The following ENPP2 variants were observed in gnomAD, a reference collection of about 807,000 sequenced individuals.
ENPP2 encodes autotaxin.
Under a neutral mutation model 120.2 loss-of-function variants are expected in ENPP2, and 51 were observed. That is an observed-to-expected ratio of 0.42 (90% CI 0.34 to 0.54). ENPP2 has a LOEUF of 0.54. ENPP2 is among the 20% of genes least tolerant of loss of function. ENPP2 has a pLI of 0.04. For synonymous variants in ENPP2, 365 were observed against 366.4 expected (o/e 1.00, Z 0.04); for missense variants, 920 against 1,066.5 (o/e 0.86, Z 1.91).
intron 11 of ENPP2, among the ~76,000 whole-genome samples, chr8:119,600,387 C>T (rs17194431): frequency 0.28 from 42,921 of 152,020 alleles, 6,650 homozygotes; most frequent in South Asian, 0.49. Flanking sequence ...CCGAATTATT[C>T]ACCCTCCAAC....
chr8:119,658,496 T>C (rs534096625), intron 1 of ENPP2, among the ~76,000 whole-genome samples: 83 of 152,210 alleles, frequency 5.5e-4, no homozygotes, highest in South Asian at 8.3e-4. Context: ...AAGCAGACAT[T>C]TCCTAGAGTC....
intron 13 of ENPP2, among the ~76,000 whole-genome samples, chr8:119,588,925 G>T (rs902357597): frequency 6.6e-6 from 1 of 152,122 alleles, no homozygotes; most frequent in Admixed American, 6.5e-5. Context: ...AGCTAATCTG[G>T]CTTCAAATCT....
upstream of ENPP2, among the ~76,000 whole-genome samples, chr8:119,642,686 C>T (rs1242353496): frequency 6.6e-6 from 1 of 152,138 alleles, no homozygotes. Context: ...GGGGACTCAT[C>T]TCCAAACTGT....
At chr8:119,567,886 A>C (rs1257447745) in intron 22 of ENPP2, among the ~76,000 whole-genome samples, 2 of 152,246 alleles carry the variant, frequency 1.3e-5, no homozygotes, top group Non-Finnish European at 2.9e-5. Flanking sequence ...TCTACCATGC[A>C]TGACCTGTGG....
Position 119,582,463 on chromosome 8 carries a change from A to G in ENPP2, c.1683T>C (p.Ser561=). Residue 561 remains serine (S), a synonymous_variant, in exon 18 of 25, where the codon TCT becomes TCC. Coordinates refer to ENST00000075322, the MANE Select transcript of ENPP2 (RefSeq NM_001040092.3). ...PNYPGIMYLQ[S]DFDLGCTCDD... The stretch of plus-strand genomic sequence containing the variant: ...CACAAGTGCAGCCCAGGTCAAAATC[A>G]GACTGAAGGTACATAATCCCTGGAT... The G allele has an allele frequency of 3.1e-6, 5 of 1,614,158 alleles. No homozygotes were observed. Among genetic ancestry groups the G allele is most frequent in the Non-Finnish European group, 4.2e-6 (5 of 1,179,988 alleles).
intron 5 of ENPP2, chr8:119,618,553 T>C: frequency 3.3e-6 from 1 of 304,704 alleles, no homozygotes; most frequent in Non-Finnish European, 6.3e-6. Flanking sequence ...TGGATGCCTT[T>C]TTTTTTTTTA....
At chr8:119,669,075 C>T (rs935414390) in intron 1 of ENPP2, among the ~76,000 whole-genome samples, 1 of 152,214 alleles carries the variant, frequency 6.6e-6, no homozygotes, top group Admixed American at 6.5e-5. Flanking sequence ...AATCCTTATG[C>T]CTTTTCTCTT....
intron 11 of ENPP2, among the ~76,000 whole-genome samples, chr8:119,594,476 A>T (rs1242984784): frequency 6.6e-6 from 1 of 152,246 alleles, no homozygotes; most frequent in Non-Finnish European, 1.5e-5. Flanking sequence ...ACAAGAATCT[A>T]TAAGAGTCCT....
intron 19 of ENPP2, 71 bp from the exon 20 acceptor site, chr8:119,570,912 G>T: frequency 1.0e-6 from 1 of 1,003,134 alleles, no homozygotes; most frequent in Non-Finnish European, 1.4e-6. Flanking sequence ...AGAAATGTTG[G>T]AAGAGTCAAG....
At chr8:119,584,735 G>C (rs1812988715) in intron 15 of ENPP2, among the ~76,000 whole-genome samples, 1 of 152,156 alleles carries the variant, frequency 6.6e-6, no homozygotes, top group African/African-American at 2.4e-5. Flanking sequence ...AAGACCATCT[G>C]ATCTTTCCTT....
chr8:119,595,586 C>A (rs774104680), intron 11 of ENPP2, among the ~76,000 whole-genome samples: 12 of 152,100 alleles, frequency 7.9e-5, no homozygotes, highest in Non-Finnish European at 1.3e-4. Context: ...GTCACTCCAG[C>A]CTAAATGTTA....
At chr8:119,651,347 G>A (rs2130874624) in intron 1 of ENPP2, among the ~76,000 whole-genome samples, 1 of 152,280 alleles carries the variant, frequency 6.6e-6, no homozygotes, top group Middle Eastern at 3.4e-3. Flanking sequence ...GTAATTGTTT[G>A]CACTTTGCCA....
At position 119,646,296 on chromosome 8, in the gene ENPP2, G is replaced by C. The variant is rs56760522; in HGVS notation, c.22-7769C>G. ...TTCCTCCTAAACTTAAAACTTTTCT[G>C]TTTGGCTTCCTATCAAAGCAGTTCT... On this transcript the variant is annotated intron_variant, in intron 1 of 25. Transcript: ENST00000427067. Among the ~76,000 whole-genome samples the C allele has an allele frequency of 3.1e-3, 469 of 152,200 alleles. 3 individuals are homozygous for C. The highest frequency in any genetic ancestry group is 0.011 in the African/African-American group (455 of 41,528).
intron 2 of ENPP2, among the ~76,000 whole-genome samples, chr8:119,628,914 GGAA>G (rs1481920651): frequency 2.6e-5 from 4 of 152,176 alleles, no homozygotes; most frequent in Non-Finnish European, 5.9e-5. Context: ...GAAAGAAAGA[GGAA>G]GAAGATTTTT....
chr8:119,630,363 C>G, intron 2 of ENPP2, among the ~76,000 whole-genome samples: 1 of 152,186 alleles, frequency 6.6e-6, no homozygotes, highest in East Asian at 1.9e-4. Flanking sequence ...CTACTTTGGC[C>G]TTCCAAAGTG....
chr8:119,581,546 A>G (rs890140985), intron 18 of ENPP2, among the ~76,000 whole-genome samples: 1 of 152,124 alleles, frequency 6.6e-6, no homozygotes, highest in Non-Finnish European at 1.5e-5. Context: ...AGCTGCACTC[A>G]TCGGCCAAAT....
chr8:119,622,336 A>G (rs968157635), intron 3 of ENPP2, among the ~76,000 whole-genome samples: 2 of 152,198 alleles, frequency 1.3e-5, no homozygotes, highest in Admixed American at 6.5e-5. Flanking sequence ...TAGGATGTGA[A>G]GAGTATAAAG....
At chr8:119,672,879 G>A (rs1587603926) in intron 1 of ENPP2, among the ~76,000 whole-genome samples, 1 of 152,248 alleles carries the variant, frequency 6.6e-6, no homozygotes, top group Non-Finnish European at 1.5e-5. Flanking sequence ...ACAAGAAGCC[G>A]GGCCCGTCTC....
intron 18 of ENPP2, chr8:119,580,674 G>C (rs752654440): frequency 6.6e-6 from 1 of 152,626 alleles, no homozygotes; most frequent in Non-Finnish European, 1.5e-5. Flanking sequence ...AGTAATGTCT[G>C]TGGCAACATT....
Sources: allele counts gnomAD v4.1 joint callset (sites outside exome capture counted in the v4.1 genomes callset), GRCh38; gene constraint gnomAD v4.1.1; transcripts MANE v1.5; gene names NCBI Gene and HGNC (gene_info 2026-07-23, HGNC 2026-07-21).